PKHD1L1: variants seen among roughly 807,000 people sequenced by gnomAD.
PKHD1L1 encodes the protein fibrocystin-L.
In PKHD1L1, 434 loss-of-function variants were observed where a neutral mutation model predicts 462.9. The observed-to-expected ratio is 0.94, with a 90% CI of 0.87 to 1.02. PKHD1L1 has a LOEUF of 1.02. Among genes scored for constraint, PKHD1L1 ranks in the 50% least tolerant of loss-of-function variants. The probability of loss-of-function intolerance (pLI) is 0.00; values close to 1 mark genes in which losing one functional copy is unlikely to be tolerated. For synonymous variants in PKHD1L1, 1,781 were observed against 1,750.0 expected, an observed-to-expected ratio of 1.02 and a Z score of -0.44; for missense variants, 5,202 against 5,096.1, an observed-to-expected ratio of 1.02 and a Z score of -0.63.
chr8:109,409,729 T>C (rs917789062), intron 18 of PKHD1L1, 136 bp from the exon 19 acceptor site: 16 of 483,854 alleles, frequency 3.3e-5, no homozygotes, highest in Non-Finnish European at 5.8e-5. Context: ...TTTAGAAAAT[T>C]AACTCATAAT....
chr8:109,443,669 T>C lies in PKHD1L1; in HGVS notation c.4565-7T>C, dbSNP rs1335741972. 6.2e-7 allele frequency: 1 copy of C among 1,606,426 alleles called. No homozygotes were observed. On this transcript the variant is annotated splice_region_variant and splice_polypyrimidine_tract_variant and intron_variant, in intron 36 of 77. Coordinates refer to ENST00000378402, the MANE Select transcript of PKHD1L1 (RefSeq NM_177531.6). Reference sequence around the variant, plus strand: ...CATGACTTAACGGGCAGTTCTTTTGTCTAAAGGAGGACCTGAGAATTTGCA... The same window carrying C: ...CATGACTTAACGGGCAGTTCTTTTGCCTAAAGGAGGACCTGAGAATTTGCA...
At chr8:109,505,992 G>A (rs963610292) in intron 68 of PKHD1L1, among the ~76,000 whole-genome samples, 1 of 152,142 alleles carries the variant, frequency 6.6e-6, no homozygotes, top group African/African-American at 2.4e-5. Flanking sequence ...ACAGCCCAAT[G>A]CTTACTCATT....
intron 22 of PKHD1L1, among the ~76,000 whole-genome samples, chr8:109,420,190 AG>A (rs1814391781): frequency 6.6e-6 from 1 of 152,208 alleles, no homozygotes; most frequent in South Asian, 2.1e-4. Flanking sequence ...AACAGAACAA[AG>A]CTAACTAACC....
chr8:109,497,777 C>T (rs1468184076), intron 65 of PKHD1L1, among the ~76,000 whole-genome samples: 7 of 144,896 alleles, frequency 4.8e-5, no homozygotes, highest in African/African-American at 1.8e-4. Flanking sequence ...TCTTGCTTAT[C>T]ACCTGCTAAT....
At position 109,443,054 on chromosome 8, in the gene PKHD1L1, C is replaced by T; in HGVS notation, c.4502C>T (p.Ala1501Val). 8 of 1,613,728 alleles carry T rather than the reference C, an allele frequency of 5.0e-6. No individual in the cohort carries two copies. Among genetic ancestry groups the T allele is most frequent in the Non-Finnish European group, 6.8e-6 (8 of 1,179,690 alleles). ...FLQGVINVLP[A>V]ETRHIPLHLF... ...CAAGGAGTCATTAATGTTTTACCAG[C>T]TGAAACCAGACACATTCCCTTGCAC... The change falls in exon 36 of 78, where the codon GCT becomes GTT. Residue 1501 changes from alanine to valine, a missense_variant. Physicochemically the swap from Ala to Val is moderately conservative, Grantham distance 64 (BLOSUM62 0). Transcript: ENST00000378402.
chr8:109,375,904 C>T (rs569987464), intron 2 of PKHD1L1, among the ~76,000 whole-genome samples: 21 of 152,278 alleles, frequency 1.4e-4, no homozygotes, highest in African/African-American at 4.8e-4. Flanking sequence ...GGTGTCAGTC[C>T]GCCCCTACTG....
chr8:109,492,682 A>G (rs950746279), intron 62 of PKHD1L1, among the ~76,000 whole-genome samples: 16 of 151,886 alleles, frequency 1.1e-4, no homozygotes, highest in African/African-American at 3.4e-4. Flanking sequence ...TAGAATATCA[A>G]TTCCAAATCT....
At chr8:109,395,659 G>A (rs1182645226) in intron 10 of PKHD1L1, among the ~76,000 whole-genome samples, 1 of 152,136 alleles carries the variant, frequency 6.6e-6, no homozygotes, top group African/African-American at 2.4e-5. Context: ...AATTATAAGA[G>A]GTTGGTCCAT....
Position 109,522,763 on chromosome 8 carries a change from A to G in PKHD1L1, c.12203A>G (p.Glu4068Gly), listed in dbSNP as rs1196258242. 1 of 1,610,506 alleles carries G rather than the reference A, an allele frequency of 6.2e-7. No homozygotes were observed. The highest frequency in any genetic ancestry group is 1.3e-5 in the African/African-American group (1 of 74,946). Residue 4068 changes from glutamate (E) to glycine (G), a missense_variant, in exon 75 of 78, where the codon GAA becomes GGA. This residue lies in a region of PKHD1L1 where 698 missense variants were observed against 736.3 expected (regional missense o/e 0.95). Transcript: ENST00000378402. ...TCACAGGTGACTGCCCAGCCAGTTG[A>G]AAGGTCTGCATTTCCTGTTCATCAC... ...GWIKVTAQPVERSAFPVHHVA... is the reference protein window; with the variant it reads ...GWIKVTAQPVGRSAFPVHHVA...
chr8:109,383,609 A>G (rs1812285697), intron 4 of PKHD1L1, among the ~76,000 whole-genome samples: 1 of 150,688 alleles, frequency 6.6e-6, no homozygotes, highest in Non-Finnish European at 1.5e-5. Flanking sequence ...TCTGTCTTCA[A>G]GAAGCTTCTA....
At chr8:109,489,529 C>T (rs1465213142) in intron 59 of PKHD1L1, among the ~76,000 whole-genome samples, 1 of 152,006 alleles carries the variant, frequency 6.6e-6, no homozygotes, top group African/African-American at 2.4e-5. Context: ...CTTAAAAGCT[C>T]TTTATGGCAT....
In PKHD1L1 at chr8:109,474,538, A is replaced by G. The variant is rs78728566; in HGVS notation, c.8606-580A>G. ...TCTAGTTGTAGCCTTGTTCTTTAAT[A>G]ATTCTAAATCAAAACACCATTAAAG... On this transcript the variant is annotated intron_variant, in intron 50 of 77. Coordinates refer to ENST00000378402, the MANE Select transcript of PKHD1L1 (RefSeq NM_177531.6). 3.1e-3 allele frequency among the ~76,000 whole-genome samples: 474 copies of G among 152,292 alleles called. 2 individuals carry two copies. The highest frequency in any genetic ancestry group is 5.4e-3 in the Non-Finnish European group (364 of 68,008).
At chr8:109,502,444 T>C (rs1282256182) in intron 67 of PKHD1L1, among the ~76,000 whole-genome samples, 1 of 152,180 alleles carries the variant, frequency 6.6e-6, no homozygotes, top group Non-Finnish European at 1.5e-5. Context: ...GTTATACACA[T>C]CCAGAGCATT....
In PKHD1L1 at chr8:109,382,566, T is replaced by G. The variant is rs1228938446; in HGVS notation, c.412T>G (p.Phe138Val). Residue 138 changes from phenylalanine to valine, a missense_variant, in exon 4 of 78, where the codon TTC (phenylalanine) becomes GTC (valine). This residue lies in a region of PKHD1L1 where 4,497 missense variants were observed against 4,336.8 expected (regional missense o/e 1.04). Coordinates refer to ENST00000378402, the MANE Select transcript of PKHD1L1 (RefSeq NM_177531.6). ...TCACATCAACAGCTGGGAATGTACC[T>G]TCAACGTATGTAGGAATCTTCTCTT... ...KGHINSWECT[F>V]NAKSFRTPTI... 2.5e-6 allele frequency: 4 copies of G among 1,607,748 alleles called. No individual in the cohort carries two copies. Among genetic ancestry groups the G allele is most frequent in the Non-Finnish European group, 3.4e-6 (4 of 1,176,400 alleles).
intron 2 of PKHD1L1, among the ~76,000 whole-genome samples, chr8:109,377,126 C>A (rs1229974116): frequency 6.6e-6 from 1 of 152,156 alleles, no homozygotes; most frequent in East Asian, 1.9e-4. Context: ...TTCTGGCAAC[C>A]CCAATTCTGC....
chr8:109,418,997 G>T, intron 21 of PKHD1L1, 100 bp from the exon 22 acceptor site: 2 of 1,094,764 alleles, frequency 1.8e-6, no homozygotes, highest in East Asian at 2.6e-5. Context: ...CGTCTTGTGG[G>T]AAAAAATATT....
intron 22 of PKHD1L1, among the ~76,000 whole-genome samples, chr8:109,419,590 T>A (rs1280316098): frequency 6.6e-6 from 1 of 152,142 alleles, no homozygotes; most frequent in Non-Finnish European, 1.5e-5. Flanking sequence ...ATGAGAGAGA[T>A]CTATTCCCAA....
intron 14 of PKHD1L1, among the ~76,000 whole-genome samples, chr8:109,403,160 C>G (rs951418444): frequency 2.6e-5 from 4 of 152,154 alleles, no homozygotes; most frequent in Non-Finnish European, 4.4e-5. Context: ...CCTGCAAAAC[C>G]AGCTTGGAAT....
At chr8:109,459,562 A>G (rs757458662) in intron 46 of PKHD1L1, 33 bp from the exon 47 acceptor site, 3 of 1,414,736 alleles carry the variant, frequency 2.1e-6, no homozygotes, top group Non-Finnish European at 2.8e-6. Flanking sequence ...AATTTATATT[A>G]ATTTTAAAAT....
Sources: gnomAD v4.1 joint callset for allele counts (sites outside exome capture counted in the v4.1 genomes callset) on GRCh38, gnomAD v4.1.1 for gene constraint, gnomAD v4.1.1 regional missense constraint, MANE v1.5 for transcripts, NCBI Gene and HGNC (gene_info 2026-07-23, HGNC 2026-07-21) for gene names.